USP54: variants seen among roughly 807,000 people sequenced by gnomAD.
USP54 encodes ubiquitin specific peptidase 54.
Under a neutral mutation model 170.5 loss-of-function variants are expected in USP54, and 87 were observed. The ratio of observed to expected loss-of-function variants is 0.51; its 90% confidence interval spans 0.43 to 0.61. The LOEUF (loss-of-function observed/expected upper bound fraction) is 0.61. USP54 is among the 20% of genes least tolerant of loss of function. The pLI, the probability that USP54 is intolerant of heterozygous loss-of-function variation, is 0.00. For missense variants in USP54, 1,786 were observed against 2,047.8 expected, an observed-to-expected ratio of 0.87 and a Z score of 2.47; for synonymous variants, 655 against 742.8, an observed-to-expected ratio of 0.88 and a Z score of 1.92.
Position 73,517,546 on chromosome 10 carries a change from T to C in USP54, c.2880A>G (p.Glu960=), listed in dbSNP as rs756445890. ...RSALKLLTSV[E]VDNIEPSAFH... ...ATGCAGAGGGTTCAATGTTGTCTAC[T>C]TCAACCGAAGTCAGAAGCTTCAAGG... Residue 960 remains glutamate (E), a synonymous_variant, in exon 20 of 24, where the codon GAA becomes GAG. Coordinates refer to ENST00000687698, the MANE Select transcript of USP54 (RefSeq NM_001391956.1). The C allele has an allele frequency of 5.1e-5, 82 of 1,614,110 alleles. 1 individual carries two copies. In the East Asian group the frequency reaches 1.8e-3, roughly 35 times the overall value.
At chr10:73,608,259 C>T (rs994901413) in intron 1 of USP54, among the ~76,000 whole-genome samples, 2 of 150,016 alleles carry the variant, frequency 1.3e-5, no homozygotes, top group African/African-American at 4.9e-5. Context: ...GATTCCATCT[C>T]AAAAACAAAA....
chr10:73,624,159 C>CATATATATATATATATATATATAT (rs58238181), intron 1 of USP54, among the ~76,000 whole-genome samples: 1 of 69,872 alleles, frequency 1.4e-5, no homozygotes, highest in Admixed American at 2.2e-4. Flanking sequence ...TTTTAAAAGC[C>CATATATATATATATATATATATAT]ATATATATAT....
intron 3 of USP54, among the ~76,000 whole-genome samples, chr10:73,572,751 T>C (rs994653503): frequency 1.3e-5 from 2 of 152,152 alleles, no homozygotes; most frequent in Non-Finnish European, 2.9e-5. Flanking sequence ...TCATTAAGTA[T>C]GGATACAGAA....
chr10:73,574,782 C>T (rs551019108), intron 3 of USP54, among the ~76,000 whole-genome samples: 194 of 150,506 alleles, frequency 1.3e-3, no homozygotes, highest in Non-Finnish European at 2.0e-3. Context: ...TCACCTGAGC[C>T]CTGGAGGTCA....
chr10:73,600,838 C>CG (rs1394743584), intron 1 of USP54, among the ~76,000 whole-genome samples: 3 of 152,144 alleles, frequency 2.0e-5, no homozygotes, highest in South Asian at 4.1e-4. Flanking sequence ...CGCTTGAACC[C>CG]GGGGGGCGGA....
At chr10:73,607,320 TAA>T (rs772279519) in intron 1 of USP54, among the ~76,000 whole-genome samples, 22 of 91,256 alleles carry the variant, frequency 2.4e-4, no homozygotes, top group Admixed American at 2.5e-4. Flanking sequence ...AGAGTTTGCT[TAA>T]AAAAAAAAAA....
intron 1 of USP54, among the ~76,000 whole-genome samples, chr10:73,606,760 T>C (rs1462743612): frequency 6.6e-6 from 1 of 151,528 alleles, no homozygotes; most frequent in East Asian, 1.9e-4. Flanking sequence ...GCACCTGCAG[T>C]CTCAGCTACT....
At chr10:73,509,561 G>A (rs1427218656) in intron 20 of USP54, among the ~76,000 whole-genome samples, 1 of 151,538 alleles carries the variant, frequency 6.6e-6, no homozygotes. Context: ...GCTGCAGTGA[G>A]TTGAGATCAC....
At chr10:73,556,643 C>T (rs1394690320) in intron 4 of USP54, among the ~76,000 whole-genome samples, 1 of 152,150 alleles carries the variant, frequency 6.6e-6, no homozygotes, top group Non-Finnish European at 1.5e-5. Flanking sequence ...CGCGCCCGGG[C>T]TGAGTAATTT....
chr10:73,570,550 CTTTTT>C (rs554652532), intron 4 of USP54, among the ~76,000 whole-genome samples: 1 of 132,252 alleles, frequency 7.6e-6, no homozygotes, highest in Non-Finnish European at 1.6e-5. Context: ...TTTCCTTTTT[CTTTTT>C]TTTTTTTTTT....
upstream of USP54, among the ~76,000 whole-genome samples, chr10:73,591,929 A>G (rs2078289716): frequency 6.6e-6 from 1 of 152,220 alleles, no homozygotes; most frequent in Non-Finnish European, 1.5e-5. Context: ...AACGAGCCAC[A>G]CTATTAAAGA....
intron 4 of USP54, among the ~76,000 whole-genome samples, chr10:73,553,820 G>T (rs932018631): frequency 6.6e-6 from 1 of 152,138 alleles, no homozygotes; most frequent in Non-Finnish European, 1.5e-5. Flanking sequence ...CTCAGGAAAA[G>T]GCAAATCACT....
chr10:73,529,367 A>G (rs2063557176), intron 15 of USP54: 1 of 370,426 alleles, frequency 2.7e-6, no homozygotes. Flanking sequence ...TATGTGGGTA[A>G]CAAAATAATC....
At chr10:73,609,593 C>A (rs758244786) in intron 1 of USP54, among the ~76,000 whole-genome samples, 5 of 152,144 alleles carry the variant, frequency 3.3e-5, no homozygotes, top group Non-Finnish European at 7.4e-5. Context: ...TGCCTGTAAT[C>A]CCAGCACTTT....
intron 1 of USP54, among the ~76,000 whole-genome samples, chr10:73,596,843 G>A (rs527986334): frequency 1.3e-5 from 2 of 151,502 alleles, no homozygotes; most frequent in African/African-American, 4.8e-5. Context: ...ACAGGCCATA[G>A]AGAAGCCATA....
In USP54 at chr10:73,500,806, G is replaced by C; in HGVS notation, c.4344C>G (p.Thr1448=). 6.3e-7 allele frequency: 1 copy of C among 1,598,728 alleles called. No homozygotes were observed. Among genetic ancestry groups the C allele is most frequent in the Middle Eastern group, 1.7e-4 (1 of 5,998 alleles). ...AAGAGGAGCTGGAACAACGGTGCCC[G>C]GTTTCCAAAGGCTTCCTCACGTTTG... ...DSSNVRKPLE[T]GHRCSSSSSL... is the part of the protein sequence containing the mutation. Residue 1448 remains threonine, a synonymous_variant, in exon 23 of 24, where the codon ACC becomes ACG. Transcript: ENST00000687698.
In USP54 at chr10:73,529,727, G is replaced by A; in HGVS notation, c.2013C>T (p.Ser671=). 6.2e-7 allele frequency: 1 copy of A among 1,613,976 alleles called. No individual in the cohort carries two copies. The highest frequency in any genetic ancestry group is 8.5e-7 in the Non-Finnish European group (1 of 1,179,842). ...GCAGGGCTGCATCCAGGCTGACAGG[G>A]CTGCTGCTGTTCCTCTCACTGCTTT... ...GYESSERNSS[S]PVSLDAALPE... is the part of the protein sequence containing the mutation. The change falls in exon 15 of 24, where the codon AGC becomes AGT. Residue 671 remains serine, a synonymous_variant. Transcript: ENST00000687698.
At chr10:73,549,404 T>C (rs989022610) in intron 4 of USP54, among the ~76,000 whole-genome samples, 5 of 152,236 alleles carry the variant, frequency 3.3e-5, no homozygotes, top group Admixed American at 3.3e-4. Context: ...CATTTGAATA[T>C]CAATGGGCAT....
Position 73,529,884 on chromosome 10 carries a change from C to T in USP54, c.1856G>A (p.Ser619Asn), listed in dbSNP as rs1419988585. 6.5e-7 allele frequency: 1 copy of T among 1,540,448 alleles called. No homozygotes were observed. The change falls in exon 15 of 24, where the codon AGC becomes AAC. Residue 619 changes from serine to asparagine, a missense_variant. Around this residue, in one of 3 missense-constraint regions of USP54, gnomAD observed 1,418 missense variants for 1,569.0 expected, o/e 0.90. Transcript: ENST00000687698. ...TTTAATGTCGTAAGAAGGTGGCTTG[C>T]TTGGTTCATCTGGTATAAATTCTTT... ...SAKEFIPDEP[S>N]KPPSYDIKFG...
Sources: allele counts gnomAD v4.1 joint callset (sites outside exome capture counted in the v4.1 genomes callset), GRCh38; gene constraint gnomAD v4.1.1; regional missense constraint gnomAD v4.1.1; transcripts MANE v1.5; gene names NCBI Gene and HGNC (gene_info 2026-07-23, HGNC 2026-07-21).